Variants in GRIK1 observed in about 807,000 individuals in gnomAD.
The protein encoded by GRIK1 is glutamate ionotropic receptor kainate type subunit 1, also known as glutamate receptor ionotropic, kainate 1.
GRIK1 carries 69 observed loss-of-function variants against 105.7 expected under a neutral mutation model. That is an observed-to-expected ratio of 0.65 (90% CI 0.54 to 0.80). The LOEUF is 0.80. Ranked by LOEUF, GRIK1 falls within the 30% of genes least tolerant of loss-of-function variation. The probability of loss-of-function intolerance (pLI) is 0.00; values close to 1 mark genes in which losing one functional copy is unlikely to be tolerated. For missense variants in GRIK1, 1,109 were observed against 1,167.3 expected, an observed-to-expected ratio of 0.95 and a Z score of 0.73; for synonymous variants, 438 against 431.3, an observed-to-expected ratio of 1.02 and a Z score of -0.19.
chr21:29,884,180 G>A (rs1458476664), intron 1 of GRIK1, among the ~76,000 whole-genome samples: 1 of 151,950 alleles, frequency 6.6e-6, no homozygotes, highest in African/African-American at 2.4e-5. Flanking sequence ...TATATTTAAT[G>A]GAAGTTGAAA....
chr21:29,725,141 G>A (rs2064424143), intron 1 of GRIK1, among the ~76,000 whole-genome samples: 1 of 152,056 alleles, frequency 6.6e-6, no homozygotes, highest in Admixed American at 6.6e-5. Context: ...ATGCTCAACT[G>A]CAAGCGATTG....
chr21:29,738,285 G>A (rs964107659), intron 1 of GRIK1, among the ~76,000 whole-genome samples: 1 of 152,234 alleles, frequency 6.6e-6, no homozygotes, highest in Non-Finnish European at 1.5e-5. Context: ...ACTCATATGT[G>A]TATATGCATG....
At chr21:29,759,462 G>A (rs446022) in intron 1 of GRIK1, among the ~76,000 whole-genome samples, 132,972 of 152,202 alleles carry the variant, frequency 0.87, 58,251 homozygotes, top group South Asian at 0.93. Flanking sequence ...GTTGTTGTTA[G>A]GGTTAGTTAA....
intron 7 of GRIK1, among the ~76,000 whole-genome samples, chr21:29,638,379 C>T (rs1052496722): frequency 1.3e-5 from 2 of 152,096 alleles, no homozygotes; most frequent in African/African-American, 4.8e-5. Context: ...GAAACGCCCC[C>T]ATGATCCAAT....
intron 1 of GRIK1, among the ~76,000 whole-genome samples, chr21:29,907,937 GT>G (rs1244037810): frequency 1.3e-5 from 2 of 152,054 alleles, no homozygotes; most frequent in Non-Finnish European, 2.9e-5. Context: ...TTTTACTATT[GT>G]TTTGGTGAAA....
At chr21:29,642,683 G>T in intron 7 of GRIK1, 143 bp downstream of exon 7, 1 of 692,428 alleles carries the variant, frequency 1.4e-6, no homozygotes, top group Non-Finnish European at 2.4e-6. Context: ...TTTTGACACT[G>T]AAATCTGAGC....
chr21:29,559,703 A>T (rs1001167311), intron 15 of GRIK1, among the ~76,000 whole-genome samples: 1 of 152,384 alleles, frequency 6.6e-6, no homozygotes, highest in Middle Eastern at 3.4e-3. Context: ...TTATCTGATT[A>T]GTTATATTCA....
At chr21:29,688,824 A>T (rs1346265481) in intron 3 of GRIK1, among the ~76,000 whole-genome samples, 1 of 152,096 alleles carries the variant, frequency 6.6e-6, no homozygotes, top group Non-Finnish European at 1.5e-5. Context: ...AGGTCGTGCA[A>T]AGGATCATCC....
chr21:29,571,391 T>G (rs2090746344), intron 14 of GRIK1, among the ~76,000 whole-genome samples: 1 of 151,948 alleles, frequency 6.6e-6, no homozygotes, highest in Admixed American at 6.6e-5. Context: ...CTTAGTTCCC[T>G]CAGCCTTATA....
chr21:29,541,231 G>C (rs914737027), intron 16 of GRIK1, among the ~76,000 whole-genome samples: 1 of 152,200 alleles, frequency 6.6e-6, no homozygotes, highest in African/African-American at 2.4e-5. Context: ...CTTGCAAAGT[G>C]CTGGGATTAC....
At chr21:29,723,734 A>G (rs1000803568) in intron 1 of GRIK1, among the ~76,000 whole-genome samples, 3 of 152,228 alleles carry the variant, frequency 2.0e-5, no homozygotes, top group Admixed American at 2.0e-4. Context: ...CTGATGATGA[A>G]TAATGGAGTT....
At chr21:29,714,010 C>G (rs1356390874) in intron 1 of GRIK1, among the ~76,000 whole-genome samples, 2 of 152,094 alleles carry the variant, frequency 1.3e-5, no homozygotes, top group Non-Finnish European at 1.5e-5. Context: ...TGTTTATGAA[C>G]TGGATGAATA....
chr21:29,823,273 G>A lies in GRIK1; in HGVS notation c.118+116110C>T, dbSNP rs908189924. On this transcript the variant is annotated intron_variant, in intron 1 of 17. Transcript: ENST00000327783. Reference sequence around the variant, plus strand: ...ATATATGCATGTATATATACATATAGAAGGACAGAAACAACACTGATGTAT... The same window carrying A: ...ATATATGCATGTATATATACATATAAAAGGACAGAAACAACACTGATGTAT... Among the ~76,000 whole-genome samples, 5 of 151,832 alleles carry A rather than the reference G, an allele frequency of 3.3e-5. No individual in the cohort carries two copies. In the South Asian group the frequency reaches 1.0e-3, roughly 31 times the overall value.
intron 1 of GRIK1, among the ~76,000 whole-genome samples, chr21:29,747,082 CTGAGAGCTAAACTA>C (rs1475006641): frequency 6.6e-6 from 1 of 152,100 alleles, no homozygotes; most frequent in Admixed American, 6.6e-5. Flanking sequence ...AAATTGTTCC[CTGAGAGCTAAACTA>C]TGAGCCAAAC....
chr21:29,602,103 C>A (rs1382452373), intron 7 of GRIK1, among the ~76,000 whole-genome samples: 1 of 152,132 alleles, frequency 6.6e-6, no homozygotes, highest in Non-Finnish European at 1.5e-5. Context: ...TTGGTTGAGT[C>A]ATTTTGTCCC....
At chr21:29,768,614 C>T (rs757026176) in intron 1 of GRIK1, among the ~76,000 whole-genome samples, 34 of 152,184 alleles carry the variant, frequency 2.2e-4, no homozygotes, top group Admixed American at 8.5e-4. Flanking sequence ...TAATGTCCTC[C>T]GCCTCTGGGT....
At position 29,817,522 on chromosome 21, in the gene GRIK1, T is replaced by C. The variant is rs556171188; in HGVS notation, c.118+121861A>G. On this transcript the variant is annotated intron_variant, in intron 1 of 17. Transcript: ENST00000327783. Reference sequence around the variant, plus strand: ...ATAGTGCTGGGCTTGGCCATGTGACTTTTTGATCAATGGCAGGTAGTGACA... The same window carrying C: ...ATAGTGCTGGGCTTGGCCATGTGACCTTTTGATCAATGGCAGGTAGTGACA... Among the ~76,000 whole-genome samples the C allele has an allele frequency of 2.0e-5, 3 of 152,264 alleles. No homozygotes were observed. The East Asian group carries it at 5.8e-4, about 29-fold the overall frequency.
intron 1 of GRIK1, among the ~76,000 whole-genome samples, chr21:29,729,269 CTTA>C (rs901357851): frequency 5.9e-5 from 9 of 152,180 alleles, no homozygotes; most frequent in African/African-American, 1.9e-4. Flanking sequence ...CTGGGCATTT[CTTA>C]TTATTTCATG....
intron 1 of GRIK1, among the ~76,000 whole-genome samples, chr21:29,752,396 T>C (rs1262556443): frequency 6.6e-6 from 1 of 152,230 alleles, no homozygotes; most frequent in African/African-American, 2.4e-5. Context: ...TTTGATTATA[T>C]GCTGTGAGCA....
Sources: gnomAD v4.1 joint callset for allele counts (sites outside exome capture counted in the v4.1 genomes callset) on GRCh38, gnomAD v4.1.1 for gene constraint, MANE v1.5 for transcripts, NCBI Gene and HGNC (gene_info 2026-07-23, HGNC 2026-07-21) for gene names.